The following CNTN6 variants were observed in gnomAD, a reference collection of about 807,000 sequenced individuals.
The protein encoded by CNTN6 is contactin-6.
CNTN6 carries 137 observed loss-of-function variants against 122.8 expected under a neutral mutation model. The ratio of observed to expected loss-of-function variants is 1.12; its 90% confidence interval spans 0.97 to 1.29. The LOEUF (loss-of-function observed/expected upper bound fraction) is 1.29, where lower values mean the gene tolerates loss of function less well. CNTN6 is among the 50% of genes most tolerant of loss of function. The pLI is 0.00. For missense variants in CNTN6, 1,634 were observed against 1,223.4 expected (o/e 1.34, Z -5.01); for synonymous variants, 570 against 426.0 (o/e 1.34, Z -4.16).
chr3:1,242,473 A>C (rs570900123), intron 4 of CNTN6, among the ~76,000 whole-genome samples: 2 of 152,256 alleles, frequency 1.3e-5, no homozygotes, highest in African/African-American at 2.4e-5. Flanking sequence ...GAGAGTTTAT[A>C]GGTTTTAGAA....
chr3:1,341,290 A>G lies in CNTN6; in HGVS notation c.1365-11034A>G, dbSNP rs535803726. ...TCTTTTCTTTTGATTTACTTGGGCTATAAGGCATGTTAGCATATGAATCTA... is the reference window on the plus strand; with the variant it reads ...TCTTTTCTTTTGATTTACTTGGGCTGTAAGGCATGTTAGCATATGAATCTA... On this transcript the variant is annotated intron_variant, in intron 11 of 22. Transcript: ENST00000446702. Among the ~76,000 whole-genome samples the G allele has an allele frequency of 5.3e-5, 8 of 152,080 alleles. No individual in the cohort carries two copies. The East Asian group carries it at 1.6e-3, about 30-fold the overall frequency.
At chr3:1,097,151 G>C (rs1361599980) in intron 1 of CNTN6, among the ~76,000 whole-genome samples, 2 of 152,298 alleles carry the variant, frequency 1.3e-5, no homozygotes, top group East Asian at 3.9e-4. Context: ...GCGTAACACA[G>C]GACATAGTAG....
intron 5 of CNTN6, among the ~76,000 whole-genome samples, chr3:1,280,382 A>C (rs1693159046): frequency 6.6e-6 from 1 of 151,700 alleles, no homozygotes; most frequent in Non-Finnish European, 1.5e-5. Flanking sequence ...CACATTTACA[A>C]AAACTGCCTT....
chr3:1,263,117 C>T (rs2125713855), intron 4 of CNTN6, among the ~76,000 whole-genome samples: 1 of 152,084 alleles, frequency 6.6e-6, no homozygotes, highest in South Asian at 2.1e-4. Context: ...ATCCATTCAC[C>T]CATTCCTCTT....
At chr3:1,348,597 CAT>C (rs1424694248) in intron 11 of CNTN6, among the ~76,000 whole-genome samples, 1 of 152,028 alleles carries the variant, frequency 6.6e-6, no homozygotes, top group Admixed American at 6.6e-5. Context: ...TATATACACA[CAT>C]ATGTACATGC....
intron 12 of CNTN6, among the ~76,000 whole-genome samples, chr3:1,362,792 G>T (rs933461243): frequency 3.8e-5 from 4 of 106,204 alleles, no homozygotes; most frequent in African/African-American, 1.1e-4. Context: ...AAAATGATAA[G>T]TATCCAATTC....
At chr3:1,292,567 C>G (rs1695507476) in intron 5 of CNTN6, among the ~76,000 whole-genome samples, 1 of 152,134 alleles carries the variant, frequency 6.6e-6, no homozygotes, top group South Asian at 2.1e-4. Flanking sequence ...TAACAAGCTT[C>G]TTTAGTGATT....
intron 2 of CNTN6, among the ~76,000 whole-genome samples, chr3:1,202,647 G>A (rs1228246386): frequency 6.6e-6 from 1 of 152,058 alleles, no homozygotes; most frequent in Non-Finnish European, 1.5e-5. Context: ...GAAACTATTT[G>A]TCTTCAAACA....
At position 1,098,060 on chromosome 3, in the gene CNTN6, C is replaced by A. The variant is rs542658414; in HGVS notation, c.-83+4940C>A. Among the ~76,000 whole-genome samples, 21 of 144,864 alleles carry A rather than the reference C, an allele frequency of 1.4e-4. No homozygotes were observed. In the South Asian group the frequency reaches 4.4e-3, roughly 30 times the overall value. On this transcript the variant is annotated intron_variant, in intron 1 of 22. Coordinates refer to ENST00000446702, the MANE Select transcript of CNTN6 (RefSeq NM_001289080.2). Reference sequence around the variant, plus strand: ...AAATGGTATTTCTGTATACACCAAGCAATTGGACATGATCAAGAAAAAGGG... The same window carrying A: ...AAATGGTATTTCTGTATACACCAAGAAATTGGACATGATCAAGAAAAAGGG...
intron 3 of CNTN6, among the ~76,000 whole-genome samples, chr3:1,222,860 C>T (rs969762862): frequency 6.6e-6 from 1 of 152,086 alleles, no homozygotes; most frequent in Admixed American, 6.6e-5. Flanking sequence ...TCCTCCCATC[C>T]TCCATCCTCC....
At chr3:1,137,533 G>C (rs2125124444) in intron 1 of CNTN6, among the ~76,000 whole-genome samples, 2 of 152,234 alleles carry the variant, frequency 1.3e-5, no homozygotes, top group East Asian at 3.9e-4. Context: ...AGGTCATCTA[G>C]TTGAACTTCC....
intron 4 of CNTN6, among the ~76,000 whole-genome samples, chr3:1,245,252 ATAT>A (rs2094553712): frequency 1.0e-4 from 1 of 9,932 alleles, no homozygotes; most frequent in Non-Finnish European, 1.8e-4. Context: ...ACACATATAT[ATAT>A]AACATATATA....
intron 4 of CNTN6, among the ~76,000 whole-genome samples, chr3:1,241,104 C>G (rs1329180094): frequency 6.6e-6 from 1 of 152,000 alleles, no homozygotes; most frequent in Non-Finnish European, 1.5e-5. Context: ...AGGAACAAAT[C>G]ACAATGGTGG....
chr3:1,402,880 A>G (rs1695906669), intron 22 of CNTN6: 3 of 192,616 alleles, frequency 1.6e-5, no homozygotes, highest in Middle Eastern at 2.4e-3. Flanking sequence ...GACATCACTA[A>G]TCAAGTGTGG....
At chr3:1,214,436 G>A (rs1363969759) in intron 2 of CNTN6, among the ~76,000 whole-genome samples, 8 of 148,812 alleles carry the variant, frequency 5.4e-5, no homozygotes, top group African/African-American at 1.7e-4. Context: ...AGCCTCCCTA[G>A]TAGCTGGGAT....
At chr3:1,202,632 T>C (rs926797405) in intron 2 of CNTN6, among the ~76,000 whole-genome samples, 4 of 152,014 alleles carry the variant, frequency 2.6e-5, no homozygotes, top group Admixed American at 6.6e-5. Context: ...ATGTAACAAC[T>C]CAGGGAAACT....
chr3:1,230,169 C>T (rs777415713), intron 4 of CNTN6, among the ~76,000 whole-genome samples: 1 of 152,086 alleles, frequency 6.6e-6, no homozygotes, highest in Non-Finnish European at 1.5e-5. Context: ...ATAGAAAAGG[C>T]CTTTGGTAGG....
At chr3:1,125,433 T>G (rs2092125362) in intron 1 of CNTN6, among the ~76,000 whole-genome samples, 2 of 151,826 alleles carry the variant, frequency 1.3e-5, no homozygotes, top group Admixed American at 1.3e-4. Flanking sequence ...GGAACATGAC[T>G]TCCAAGGAAT....
intron 5 of CNTN6, among the ~76,000 whole-genome samples, chr3:1,283,305 T>TA (rs1693790533): frequency 6.6e-6 from 1 of 152,172 alleles, no homozygotes; most frequent in Admixed American, 6.5e-5. Flanking sequence ...AGCAGGATGT[T>TA]ACCGTGCCTT....
Sources: gnomAD v4.1 joint callset for allele counts (sites outside exome capture counted in the v4.1 genomes callset) on GRCh38, gnomAD v4.1.1 for gene constraint, MANE v1.5 for transcripts, NCBI Gene and HGNC (gene_info 2026-07-23, HGNC 2026-07-21) for gene names.